GATAD2B: variants seen among roughly 807,000 people sequenced by gnomAD.
The protein encoded by GATAD2B is transcriptional repressor p66-beta.
In GATAD2B, 8 loss-of-function variants were observed where a neutral mutation model predicts 64.3. The observed-to-expected ratio is 0.12, with a 90% CI of 0.07 to 0.22. The LOEUF is 0.22. Among genes scored for constraint, GATAD2B ranks in the 10% least tolerant of loss-of-function variants. The probability of loss-of-function intolerance (pLI) is 1.00; values close to 1 mark genes in which losing one functional copy is unlikely to be tolerated. For synonymous variants in GATAD2B, 281 were observed against 271.3 expected, an observed-to-expected ratio of 1.04 and a Z score of -0.35; for missense variants, 453 against 752.0, an observed-to-expected ratio of 0.60 and a Z score of 4.65.
intron 1 of GATAD2B, among the ~76,000 whole-genome samples, chr1:153,880,203 C>A (rs1248356435): frequency 6.6e-6 from 1 of 152,086 alleles, no homozygotes; most frequent in Non-Finnish European, 1.5e-5. Flanking sequence ...TGGCTCACGC[C>A]TGTAATTCCA....
intron 8 of GATAD2B, 52 bp from the exon 9 acceptor site, chr1:153,812,184 A>C: frequency 1.1e-6 from 1 of 900,098 alleles, no homozygotes; most frequent in Non-Finnish European, 1.7e-6. Flanking sequence ...CCCAATACCC[A>C]ATTTCCTTTT....
chr1:153,857,654 G>A (rs575655117), intron 1 of GATAD2B, among the ~76,000 whole-genome samples: 12 of 152,184 alleles, frequency 7.9e-5, no homozygotes, highest in Admixed American at 6.5e-4. Flanking sequence ...AGATGTCTCT[G>A]GAATGGTCCT....
intron 1 of GATAD2B, among the ~76,000 whole-genome samples, chr1:153,848,422 G>A (rs958043752): frequency 4.6e-5 from 7 of 152,052 alleles, no homozygotes; most frequent in African/African-American, 1.7e-4. Flanking sequence ...TTCTTGAACT[G>A]CTTTCTTCAC....
intron 1 of GATAD2B, among the ~76,000 whole-genome samples, chr1:153,867,188 C>T (rs916777871): frequency 2.6e-5 from 4 of 152,098 alleles, no homozygotes; most frequent in Admixed American, 6.6e-5. Context: ...GGTATGGGAA[C>T]GCTACTATTT....
chr1:153,847,283 A>C (rs1334210574), intron 1 of GATAD2B, among the ~76,000 whole-genome samples: 7 of 152,118 alleles, frequency 4.6e-5, no homozygotes, highest in Non-Finnish European at 7.4e-5. Context: ...TTCTATTTTT[A>C]ATGTCAGTAT....
chr1:153,840,801 G>A (rs1441204987), intron 1 of GATAD2B, among the ~76,000 whole-genome samples: 1 of 152,098 alleles, frequency 6.6e-6, no homozygotes, highest in Non-Finnish European at 1.5e-5. Flanking sequence ...TGTGCACACT[G>A]AAGAGATTGT....
At chr1:153,862,308 A>C (rs947531597) in intron 1 of GATAD2B, among the ~76,000 whole-genome samples, 7 of 151,646 alleles carry the variant, frequency 4.6e-5, no homozygotes, top group African/African-American at 1.7e-4. Context: ...TTTTTAGTAG[A>C]GACGGGGTTT....
chr1:153,898,984 T>G (rs1267936261), intron 1 of GATAD2B: 4 of 152,224 alleles, frequency 2.6e-5, no homozygotes, highest in African/African-American at 4.8e-5. Flanking sequence ...AAGTTGCCCC[T>G]GATTTTAAAA....
intron 1 of GATAD2B, chr1:153,890,466 C>G (rs1428333573): frequency 1.4e-5 from 2 of 142,772 alleles, no homozygotes; most frequent in Non-Finnish European, 1.5e-5. Context: ...CCAGCCTAGG[C>G]GAAAGAACAA....
At chr1:153,894,666 T>A (rs1370986875) in intron 1 of GATAD2B, among the ~76,000 whole-genome samples, 1 of 150,056 alleles carries the variant, frequency 6.7e-6, no homozygotes, top group Non-Finnish European at 1.5e-5. Context: ...ATTGAGACCA[T>A]CCTGGCTAAC....
chr1:153,913,772 T>G (rs180987683), intron 1 of GATAD2B, among the ~76,000 whole-genome samples: 1 of 149,664 alleles, frequency 6.7e-6, no homozygotes, highest in Non-Finnish European at 1.5e-5. Context: ...CAAAAAAAAT[T>G]AGCCAGGCAT....
chr1:153,821,532 C>T (rs1471603069), intron 2 of GATAD2B, among the ~76,000 whole-genome samples: 1 of 152,064 alleles, frequency 6.6e-6, no homozygotes, highest in Non-Finnish European at 1.5e-5. Context: ...CATTCTCTAA[C>T]CCCAAATATG....
intron 1 of GATAD2B, among the ~76,000 whole-genome samples, chr1:153,830,798 C>A (rs146210995): frequency 2.0e-5 from 3 of 152,002 alleles, no homozygotes; most frequent in Non-Finnish European, 4.4e-5. Context: ...TTTTGAGAGA[C>A]AGGGTCTCAC....
At chr1:153,852,932 CTAAGCT>C (rs1378742626) in intron 1 of GATAD2B, 8 of 833,086 alleles carry the variant, frequency 9.6e-6, no homozygotes, top group Non-Finnish European at 1.7e-5. Context: ...ATCTGACTTC[CTAAGCT>C]TGTGTTAATG....
At chr1:153,826,560 G>A (rs1384623745) in intron 2 of GATAD2B, among the ~76,000 whole-genome samples, 4 of 152,236 alleles carry the variant, frequency 2.6e-5, no homozygotes, top group African/African-American at 9.6e-5. Flanking sequence ...GAACCCAGGA[G>A]GTGGAGGGTG....
chr1:153,807,482 G>A lies in GATAD2B; in HGVS notation c.*2695C>T, dbSNP rs1674144645. The stretch of plus-strand genomic sequence containing the variant: ...ATCCCTGGGAAGAGTATGAAAATGG[G>A]GAGAAGAAAGGGTAAGAAATCAAAC... On this transcript the variant is annotated 3_prime_UTR_variant, in exon 11 of 11. Coordinates refer to ENST00000368655, the MANE Select transcript of GATAD2B (RefSeq NM_020699.4). 6.6e-6 allele frequency: 1 copy of A among 152,154 alleles called. No homozygotes were observed. Among genetic ancestry groups the A allele is most frequent in the African/African-American group, 2.4e-5 (1 of 41,386 alleles). 9.4% of individuals were successfully genotyped at this position (152,154 alleles called of 1,614,324 possible). A position where few individuals can be genotyped will look rare whatever the true frequency, so the allele number is the denominator to read the frequency against.
intron 2 of GATAD2B, among the ~76,000 whole-genome samples, chr1:153,822,882 T>C (rs1674733359): frequency 6.6e-6 from 1 of 152,092 alleles, no homozygotes; most frequent in Non-Finnish European, 1.5e-5. Context: ...GTGCAATCAT[T>C]TGTGGCTCAC....
chr1:153,849,280 T>C (rs932386899), intron 1 of GATAD2B, among the ~76,000 whole-genome samples: 1 of 152,228 alleles, frequency 6.6e-6, no homozygotes, highest in African/African-American at 2.4e-5. Context: ...ACATAGCAGA[T>C]GGCAAAGAGA....
chr1:153,913,004 C>T (rs1324739029), intron 1 of GATAD2B, among the ~76,000 whole-genome samples: 1 of 152,124 alleles, frequency 6.6e-6, no homozygotes, highest in East Asian at 1.9e-4. Flanking sequence ...AGGAGAATTG[C>T]TTGAACCCGG....
Sources: gnomAD v4.1 joint callset for allele counts (sites outside exome capture counted in the v4.1 genomes callset) on GRCh38, gnomAD v4.1.1 for gene constraint, MANE v1.5 for transcripts, NCBI Gene and HGNC (gene_info 2026-07-23, HGNC 2026-07-21) for gene names.